The following ASS1 variants were observed in gnomAD, a reference collection of about 807,000 sequenced individuals.
ASS1 encodes argininosuccinate synthase 1.
ASS1 carries 58 observed loss-of-function variants against 60.5 expected under a neutral mutation model. The ratio of observed to expected loss-of-function variants is 0.96; its 90% CI spans 0.78 to 1.19. The LOEUF is 1.19. Ranked by LOEUF, ASS1 falls within the 50% of genes most tolerant of loss-of-function variation. The pLI, the probability that ASS1 is intolerant of heterozygous loss-of-function variation, is 0.00. For synonymous variants in ASS1, 200 were observed against 206.9 expected (o/e 0.97, Z 0.29); for missense variants, 454 against 547.3 (o/e 0.83, Z 1.70).
At chr9:130,453,606 C>G (rs1193214965) in intron 2 of ASS1, among the ~76,000 whole-genome samples, 1 of 152,182 alleles carries the variant, frequency 6.6e-6, no homozygotes, top group Non-Finnish European at 1.5e-5. Flanking sequence ...TGGGCTACCA[C>G]CTGGGGGATT....
chr9:130,476,817 A>C lies in ASS1; in HGVS notation c.598-54A>C. Reference sequence around the variant, plus strand: ...CAGATCCCCGCGGGAGGTGGGCTGTAGGGTGTCCAGGGACTGGTATGTCAT... The same window carrying C: ...CAGATCCCCGCGGGAGGTGGGCTGTCGGGTGTCCAGGGACTGGTATGTCAT... On this transcript the variant is annotated intron_variant, in intron 8 of 14. Coordinates refer to ENST00000352480, the MANE Select transcript of ASS1 (RefSeq NM_054012.4). This position sits in a 1 kb window ranked among gnomAD's most constrained non-coding sequence, Gnocchi z 4.9. The C allele has an allele frequency of 1.3e-6, 2 of 1,510,556 alleles. No individual in the cohort carries two copies. The highest frequency in any genetic ancestry group is 2.3e-5 in the East Asian group (1 of 44,356). 93.6% of individuals were successfully genotyped at this position (1,510,556 alleles called of 1,614,324 possible).
At chr9:130,481,531 G>A (rs1414524498) in intron 11 of ASS1, among the ~76,000 whole-genome samples, 1 of 152,190 alleles carries the variant, frequency 6.6e-6, no homozygotes, top group Non-Finnish European at 1.5e-5. Context: ...CACCCCATGT[G>A]GGCCAGAAGA....
At chr9:130,466,615 G>T in intron 5 of ASS1, 110 bp from the exon 6 acceptor site, 1 of 1,013,906 alleles carries the variant, frequency 9.9e-7, no homozygotes, top group South Asian at 1.3e-5. Context: ...CTGGGGACAT[G>T]CTGGAGACCC....
chr9:130,461,325 C>A (rs1319793766), intron 4 of ASS1, among the ~76,000 whole-genome samples: 1 of 152,222 alleles, frequency 6.6e-6, no homozygotes, highest in Non-Finnish European at 1.5e-5. Flanking sequence ...GCCGTGTGCG[C>A]CCCTCCTCCA....
chr9:130,469,964 G>A (rs1211647368), intron 6 of ASS1, among the ~76,000 whole-genome samples: 1 of 152,172 alleles, frequency 6.6e-6, no homozygotes, highest in African/African-American at 2.4e-5. Flanking sequence ...GGCTGGGTGG[G>A]GCCCCTTCAG....
chr9:130,480,890 T>C (rs1424196531), intron 11 of ASS1, among the ~76,000 whole-genome samples: 1 of 152,206 alleles, frequency 6.6e-6, no homozygotes, highest in Non-Finnish European at 1.5e-5. Context: ...GCACAGGCAC[T>C]GGGAGCCGGC....
chr9:130,474,565 G>A (rs1013055038), intron 8 of ASS1, among the ~76,000 whole-genome samples: 2 of 152,204 alleles, frequency 1.3e-5, no homozygotes, highest in Non-Finnish European at 2.9e-5. Context: ...CTGGAGATGG[G>A]GCTGTGGAGT....
intron 3 of ASS1, among the ~76,000 whole-genome samples, chr9:130,455,039 TCCATTCATCCATCATC>T: frequency 1.3e-5 from 2 of 148,342 alleles, no homozygotes; most frequent in Non-Finnish European, 3.0e-5. Context: ...CCATCATCCA[TCCATTCATCCATCATC>T]CATCCATCCA....
At chr9:130,479,106 CCA>C (rs1243941629) in intron 9 of ASS1, among the ~76,000 whole-genome samples, 1 of 151,952 alleles carries the variant, frequency 6.6e-6, no homozygotes, top group Non-Finnish European at 1.5e-5. Context: ...CCCACTGCCC[CCA>C]CCCAACCCCT....
chr9:130,448,620 G>A (rs1000110967), intron 1 of ASS1, among the ~76,000 whole-genome samples: 4 of 152,184 alleles, frequency 2.6e-5, no homozygotes, highest in Non-Finnish European at 5.9e-5. Context: ...CTGGAGTGTG[G>A]TGGCACGATC....
intron 11 of ASS1, 70 bp downstream of exon 11, chr9:130,480,519 T>C: frequency 6.5e-7 from 1 of 1,537,726 alleles, no homozygotes; most frequent in Admixed American, 1.8e-5. Context: ...TGAGACCCTG[T>C]CCCCTTTGGA....
intron 10 of ASS1, among the ~76,000 whole-genome samples, chr9:130,480,162 T>G (rs1424079663): frequency 6.6e-6 from 1 of 152,204 alleles, no homozygotes; most frequent in Non-Finnish European, 1.5e-5. Flanking sequence ...CAATGTGAAC[T>G]CACACCTGGG....
intron 13 of ASS1, among the ~76,000 whole-genome samples, chr9:130,495,409 C>A (rs377255002): frequency 1.3e-5 from 2 of 148,932 alleles, no homozygotes; most frequent in East Asian, 2.0e-4. Flanking sequence ...ATAGAAAGAC[C>A]TTGTCTCAAA....
chr9:130,479,889 G>A, intron 10 of ASS1, 89 bp downstream of exon 10: 1 of 1,405,626 alleles, frequency 7.1e-7, no homozygotes, highest in Non-Finnish European at 1.0e-6. Flanking sequence ...GGTTGTGGCT[G>A]AGGCTCAGGG....
At chr9:130,471,637 G>T in intron 8 of ASS1, 122 bp downstream of exon 8, 1 of 1,241,086 alleles carries the variant, frequency 8.1e-7, no homozygotes. Flanking sequence ...CCGTGGGGCT[G>T]GGGCCGAGCC....
At chr9:130,499,642 G>A (rs1846693272) in intron 14 of ASS1, 72 bp downstream of exon 14, 2 of 1,476,734 alleles carry the variant, frequency 1.4e-6, no homozygotes, top group Non-Finnish European at 1.9e-6. Flanking sequence ...GAGCCCCCAG[G>A]TGTAAAGGGT....
chr9:130,488,152 G>A lies in ASS1; in HGVS notation c.839-1181G>A, dbSNP rs551198918. 2.6e-5 allele frequency among the ~76,000 whole-genome samples: 4 copies of A among 151,628 alleles called. No individual in the cohort carries two copies. The highest frequency in any genetic ancestry group is 3.9e-4 in the East Asian group (2 of 5,110). ...CTCGATGGACACCTGGGTTGCTTCC[G>A]CCTCTTGGCTATTGTGATTAATGCT... On this transcript the variant is annotated intron_variant, in intron 11 of 14. Transcript: ENST00000352480. This position sits in a 1 kb window ranked among gnomAD's most constrained non-coding sequence, Gnocchi z 5.2.
At chr9:130,452,481 T>A in intron 2 of ASS1, 148 bp downstream of exon 2, 1 of 754,198 alleles carries the variant, frequency 1.3e-6, no homozygotes, top group Non-Finnish European at 2.4e-6. Context: ...TGTCTTGAAC[T>A]GGAACTAGGA....
intron 8 of ASS1, among the ~76,000 whole-genome samples, chr9:130,475,746 T>G (rs934905623): frequency 1.5e-4 from 22 of 149,822 alleles, no homozygotes; most frequent in African/African-American, 2.7e-4. Flanking sequence ...AAGGTGTTTT[T>G]TTTTTTTTTT....
Sources: allele counts gnomAD v4.1 joint callset (sites outside exome capture counted in the v4.1 genomes callset), GRCh38; gene constraint gnomAD v4.1.1; non-coding constraint Gnocchi (gnomAD v3.1); transcripts MANE v1.5; gene names NCBI Gene and HGNC (gene_info 2026-07-23, HGNC 2026-07-21).